ANKRD24: variants seen among roughly 807,000 people sequenced by gnomAD.
The protein encoded by ANKRD24 is ankyrin repeat domain 24, also known as ankyrin repeat domain-containing protein 24.
A neutral mutation model predicts 127.8 loss-of-function variants in ANKRD24; 109 were observed. The observed-to-expected ratio is 0.85, with a 90% confidence interval of 0.73 to 1.00. ANKRD24 has a LOEUF of 1.00. ANKRD24 is among the 50% of genes least tolerant of loss of function. The pLI is 0.00. For synonymous variants in ANKRD24, 743 were observed against 671.1 expected (o/e 1.11, Z -1.66); for missense variants, 1,648 against 1,570.2 (o/e 1.05, Z -0.84).
chr19:4,194,649 T>C (rs1170661651), intron 2 of ANKRD24, among the ~76,000 whole-genome samples: 1 of 152,010 alleles, frequency 6.6e-6, no homozygotes, highest in Non-Finnish European at 1.5e-5. Flanking sequence ...GCAGGAGAGA[T>C]GAGATCTGAT....
rs1002947242 is a variant in ANKRD24 at position 4,195,176 on chromosome 19, C to T, written c.37-4507C>T. Among the ~76,000 whole-genome samples the T allele has an allele frequency of 1.3e-5, 2 of 151,486 alleles. No homozygotes were observed. The highest frequency in any genetic ancestry group is 3.0e-5 in the Non-Finnish European group (2 of 67,700). Reference sequence around the variant, plus strand: ...CAAGCTCCGCCTCCCGGGTGCACGCCATTCTCCTGCCTCAGTCTCCCGAGT... The same window carrying T: ...CAAGCTCCGCCTCCCGGGTGCACGCTATTCTCCTGCCTCAGTCTCCCGAGT... On this transcript the variant is annotated intron_variant, in intron 2 of 21. Transcript: ENST00000318934. This position sits in a 1 kb window ranked among gnomAD's most constrained non-coding sequence, Gnocchi z 4.2.
At chr19:4,214,476 A>C (rs1969946548) in intron 15 of ANKRD24, among the ~76,000 whole-genome samples, 1 of 152,162 alleles carries the variant, frequency 6.6e-6, no homozygotes. Flanking sequence ...TTATGCAAAC[A>C]TGTATACATA....
At chr19:4,185,670 C>A (rs1004622110) in intron 1 of ANKRD24, among the ~76,000 whole-genome samples, 5 of 152,224 alleles carry the variant, frequency 3.3e-5, no homozygotes, top group Non-Finnish European at 4.4e-5. Context: ...GCCATTGCCC[C>A]AGACCTCCAC....
intron 18 of ANKRD24, among the ~76,000 whole-genome samples, chr19:4,219,056 T>C (rs139768642): frequency 0.038 from 5,848 of 151,982 alleles, 288 homozygotes; most frequent in African/African-American, 0.12. Context: ...GAGGCCAAGG[T>C]GAGTGGATCA....
rs766562962 is a variant in ANKRD24, at chr19:4,198,226, C to A, written c.37-1457C>A. 5.8e-6 allele frequency: 3 copies of A among 519,884 alleles called. No homozygotes were observed. Among genetic ancestry groups the A allele is most frequent in the Non-Finnish European group, 1.0e-5 (3 of 295,516 alleles). 32.2% of individuals were successfully genotyped at this position (519,884 alleles called of 1,614,324 possible). ...CTCCAGGCGACAAGGTCAGGAGGGG[C>A]CGGGGCGGCGCCCCTTCCCTCAGCC... On this transcript the variant is annotated intron_variant, in intron 2 of 21. Transcript: ENST00000318934. The surrounding 1 kb of genome is among the most constrained non-coding windows in gnomAD (Gnocchi z 6.1).
intron 19 of ANKRD24, among the ~76,000 whole-genome samples, chr19:4,220,609 C>T (rs1970388865): frequency 6.6e-6 from 1 of 152,138 alleles, no homozygotes; most frequent in Admixed American, 6.5e-5. Flanking sequence ...GACTGGAGTG[C>T]AGTGGCGTGA....
At chr19:4,218,227 C>A (rs1177648427) in intron 18 of ANKRD24, 64 bp downstream of exon 18, 1 of 1,377,924 alleles carries the variant, frequency 7.3e-7, no homozygotes. Context: ...CTGTTTTAGC[C>A]CCGCAGCCTT....
chr19:4,209,422 T>C (rs560101852), intron 11 of ANKRD24, among the ~76,000 whole-genome samples: 2 of 145,638 alleles, frequency 1.4e-5, no homozygotes, highest in Non-Finnish European at 3.0e-5. Context: ...TCCTAGTTTT[T>C]TTTTTTTGTT....
In ANKRD24 at chr19:4,189,221, T is replaced by TC. The variant is rs1335887115; in HGVS notation, c.36+2760_36+2761insC. Among the ~76,000 whole-genome samples, 16 of 145,066 alleles carry TC rather than the reference T, an allele frequency of 1.1e-4. 1 individual carries two copies. In the South Asian group the frequency reaches 4.1e-3, roughly 37 times the overall value. On this transcript the variant is annotated intron_variant, in intron 2 of 21. Transcript: ENST00000318934. Reference sequence around the variant, plus strand: ...ATTTAATATCATTGGATTCACTTTATTTTTTTTAATTTTTCTTTCTTCTTT... The same window carrying TC: ...ATTTAATATCATTGGATTCACTTTATCTTTTTTTAATTTTTCTTTCTTCTTT...
In ANKRD24 at chr19:4,217,203, G is replaced by C. The variant is rs1157924997; in HGVS notation, c.2043G>C (p.Gly681=). The C allele has an allele frequency of 6.2e-7, 1 of 1,608,690 alleles. No homozygotes were observed. Among genetic ancestry groups the C allele is most frequent in the Non-Finnish European group, 8.5e-7 (1 of 1,177,036 alleles). ...NMEATGSRAT[G]MESTGVSATG... Reference sequence around the variant, plus strand: ...AGGCCACGGGCTCTAGGGCCACAGGGATGGAATCCACAGGAGTCAGTGCCA... The same window carrying C: ...AGGCCACGGGCTCTAGGGCCACAGGCATGGAATCCACAGGAGTCAGTGCCA... The change falls in exon 18 of 22, where the codon GGG becomes GGC. Residue 681 remains glycine (G), a synonymous_variant. Transcript: ENST00000318934.
In ANKRD24 at chr19:4,199,703, C is replaced by T. The variant is rs1354209621; in HGVS notation, c.57C>T (p.Asp19=). The T allele has an allele frequency of 4.6e-6, 7 of 1,538,226 alleles. No homozygotes were observed. The highest frequency in any genetic ancestry group is 5.2e-6 in the Non-Finnish European group (6 of 1,144,878). ...KKTELRLSPT[D]LGSCPPCGPC... Reference sequence around the variant, plus strand: ...TGCAGCTGCGGCTCAGCCCCACTGACCTTGGCTCCTGCCCGCCCTGCGGCC... The same window carrying T: ...TGCAGCTGCGGCTCAGCCCCACTGATCTTGGCTCCTGCCCGCCCTGCGGCC... The change falls in exon 3 of 22, where the codon GAC becomes GAT. Residue 19 remains aspartate (D), a synonymous_variant. Transcript: ENST00000318934. The surrounding 1 kb of genome is among the most constrained non-coding windows in gnomAD (Gnocchi z 5.2).
rs920000495 is a variant in ANKRD24, at chr19:4,190,817, CT to C, written c.36+4363del. 1.6e-3 allele frequency among the ~76,000 whole-genome samples: 248 copies of C among 152,316 alleles called. 1 individual carries two copies. The highest frequency in any genetic ancestry group is 5.8e-3 in the African/African-American group (240 of 41,580). On this transcript the variant is annotated intron_variant, in intron 2 of 21. Transcript: ENST00000318934. ...TTTTTCAGGGGTCAACTCCTGAATG[CT>C]TTTTTTCCCCAAGCATTCCTCAGAA...
chr19:4,216,907 G>A lies in ANKRD24; in HGVS notation c.1747G>A (p.Gly583Arg), dbSNP rs771861617. 1 of 1,610,070 alleles carries A rather than the reference G, an allele frequency of 6.2e-7. No individual in the cohort carries two copies. Among genetic ancestry groups the A allele is most frequent in the African/African-American group, 1.3e-5 (1 of 74,638 alleles). ...EARTMEAEAT[G>R]AEATGAEATG... ...CAGGACTATGGAAGCTGAGGCCACGGGAGCCGAGGCCACGGGAGCTGAGGC... is the reference window on the plus strand; with the variant it reads ...CAGGACTATGGAAGCTGAGGCCACGAGAGCCGAGGCCACGGGAGCTGAGGC... The change falls in exon 18 of 22, where the codon GGA becomes AGA. Residue 583 changes from glycine (G) to arginine (R), a missense_variant. Transcript: ENST00000318934.
At chr19:4,201,215 G>A (rs1429920352) in intron 5 of ANKRD24, among the ~76,000 whole-genome samples, 1 of 152,072 alleles carries the variant, frequency 6.6e-6, no homozygotes, top group Non-Finnish European at 1.5e-5. Flanking sequence ...GCCAAAAGGA[G>A]TAGTTGGGGC....
rs767260203 is a variant in ANKRD24, at chr19:4,207,491, T to C, written c.538-10T>C. ...TCTCATGCCATCGCATCCCTCCTCC[T>C]CCCTACCAGTCAGGCGCAACACCCC... On this transcript the variant is annotated splice_polypyrimidine_tract_variant and intron_variant, in intron 8 of 21. Coordinates refer to ENST00000318934, the MANE Select transcript of ANKRD24 (RefSeq NM_001393985.1). 6 of 1,613,058 alleles carry C rather than the reference T, an allele frequency of 3.7e-6. No individual in the cohort carries two copies. Among genetic ancestry groups the C allele is most frequent in the Non-Finnish European group, 5.1e-6 (6 of 1,179,300 alleles).
intron 9 of ANKRD24, 72 bp downstream of exon 9, chr19:4,207,679 C>G: frequency 1.9e-6 from 3 of 1,597,380 alleles, no homozygotes; most frequent in Non-Finnish European, 2.6e-6. Context: ...CTAAGTAAGA[C>G]GATCTAGCCA....
intron 19 of ANKRD24, among the ~76,000 whole-genome samples, 181 bp downstream of exon 19, chr19:4,219,939 G>A (rs1324421030): frequency 6.6e-6 from 1 of 152,208 alleles, no homozygotes; most frequent in Non-Finnish European, 1.5e-5. Context: ...GACACACACA[G>A]GCTGCTGTTC....
chr19:4,187,668 C>T (rs901309136), intron 2 of ANKRD24, among the ~76,000 whole-genome samples: 8 of 152,216 alleles, frequency 5.3e-5, no homozygotes, highest in African/African-American at 1.4e-4. Context: ...GGAGGGCTCA[C>T]CTCCAGGGAC....
At chr19:4,193,662 C>T (rs1265677052) in intron 2 of ANKRD24, among the ~76,000 whole-genome samples, 1 of 151,756 alleles carries the variant, frequency 6.6e-6, no homozygotes, top group African/African-American at 2.4e-5. Context: ...CATGGTGATA[C>T]CCCGTCTCTA....
Sources: allele counts gnomAD v4.1 joint callset (sites outside exome capture counted in the v4.1 genomes callset), GRCh38; gene constraint gnomAD v4.1.1; non-coding constraint Gnocchi (gnomAD v3.1); transcripts MANE v1.5; gene names NCBI Gene and HGNC (gene_info 2026-07-23, HGNC 2026-07-21).